TMEM131L: variants seen among roughly 807,000 people sequenced by gnomAD.
TMEM131L encodes transmembrane protein 131-like.
Under a neutral mutation model 192.2 loss-of-function variants are expected in TMEM131L, and 54 were observed. The ratio of observed to expected loss-of-function variants is 0.28; its 90% CI spans 0.23 to 0.35. The LOEUF (loss-of-function observed/expected upper bound fraction) is 0.35. Among genes scored for constraint, TMEM131L ranks in the 10% least tolerant of loss-of-function variants. The pLI is 1.00. For synonymous variants in TMEM131L, 701 were observed against 704.9 expected, an observed-to-expected ratio of 0.99 and a Z score of 0.09; for missense variants, 1,888 against 1,972.9, an observed-to-expected ratio of 0.96 and a Z score of 0.82.
chr4:153,539,966 C>T (rs926538130), intron 3 of TMEM131L, among the ~76,000 whole-genome samples: 3 of 152,084 alleles, frequency 2.0e-5, no homozygotes, highest in Non-Finnish European at 4.4e-5. Flanking sequence ...CAAAATTAGC[C>T]GGGCATGGTG....
At chr4:153,526,501 G>A (rs1367860482) in intron 3 of TMEM131L, among the ~76,000 whole-genome samples, 6 of 152,010 alleles carry the variant, frequency 3.9e-5, no homozygotes, top group Admixed American at 2.6e-4. Flanking sequence ...TTGGGAGTCC[G>A]AGGCAGGTGG....
intron 4 of TMEM131L, among the ~76,000 whole-genome samples, chr4:153,554,510 A>G (rs1737854759): frequency 1.3e-5 from 2 of 152,238 alleles, no homozygotes; most frequent in South Asian, 2.1e-4. Flanking sequence ...CTCATTGTAT[A>G]TAAGAGAAGC....
At chr4:153,496,545 A>G (rs1410011484) in intron 3 of TMEM131L, among the ~76,000 whole-genome samples, 1 of 152,146 alleles carries the variant, frequency 6.6e-6, no homozygotes, top group African/African-American at 2.4e-5. Flanking sequence ...TTTAGGATTC[A>G]GTGTTTATGA....
intron 3 of TMEM131L, among the ~76,000 whole-genome samples, chr4:153,510,439 A>G (rs1017835215): frequency 6.6e-6 from 1 of 152,134 alleles, no homozygotes; most frequent in Non-Finnish European, 1.5e-5. Context: ...CATGATTACC[A>G]TTCTTTAAAG....
Position 153,523,934 on chromosome 4 carries a change from T to C in TMEM131L, c.240-26139T>C, listed in dbSNP as rs554462790. Among the ~76,000 whole-genome samples, 30 of 152,288 alleles carry C rather than the reference T, an allele frequency of 2.0e-4. No individual in the cohort carries two copies. In the East Asian group the frequency reaches 5.8e-3, roughly 29 times the overall value. ...TCAGCCTTCCATAAAGGGAGCATGT[T>C]CTGTTTGATTATCAGCCCTGCCCTT... On this transcript the variant is annotated intron_variant, in intron 3 of 34. Transcript: ENST00000409959.
intron 3 of TMEM131L, among the ~76,000 whole-genome samples, chr4:153,540,784 G>A (rs1263495220): frequency 2.0e-5 from 3 of 152,108 alleles, no homozygotes. Flanking sequence ...ACTCACGGTT[G>A]GTTTTCTAAA....
chr4:153,626,253 A>G (rs1294230896), intron 30 of TMEM131L, 28 bp downstream of exon 30: 7 of 1,434,690 alleles, frequency 4.9e-6, no homozygotes, highest in Non-Finnish European at 6.9e-6. Context: ...CAGCTTTTAC[A>G]GTATGTTTTG....
chr4:153,602,794 A>G, intron 23 of TMEM131L, 67 bp downstream of exon 23: 1 of 1,405,738 alleles, frequency 7.1e-7, no homozygotes. Context: ...GTTGTGTGAA[A>G]ACGTGAACTG....
chr4:153,629,077 G>GC (rs1477304149), intron 31 of TMEM131L, among the ~76,000 whole-genome samples: 1 of 152,072 alleles, frequency 6.6e-6, no homozygotes, highest in African/African-American at 2.4e-5. Flanking sequence ...CCATGGTTTT[G>GC]CCTAGTGCCC....
chr4:153,510,789 T>G (rs1344629591), intron 3 of TMEM131L, among the ~76,000 whole-genome samples: 1 of 151,334 alleles, frequency 6.6e-6, no homozygotes, highest in Non-Finnish European at 1.5e-5. Flanking sequence ...GGCACTGAAG[T>G]GTGGGAGGAT....
intron 3 of TMEM131L, among the ~76,000 whole-genome samples, chr4:153,522,594 G>A (rs959971958): frequency 6.6e-6 from 1 of 152,140 alleles, no homozygotes; most frequent in Non-Finnish European, 1.5e-5. Context: ...TTCTCGTTTG[G>A]CTCCACCCAG....
chr4:153,600,475 CAGT>C (rs1731761986), intron 21 of TMEM131L, among the ~76,000 whole-genome samples: 1 of 151,972 alleles, frequency 6.6e-6, no homozygotes, highest in African/African-American at 2.4e-5. Context: ...CTGTAACAGA[CAGT>C]GCAGATTTAG....
chr4:153,550,857 A>G (rs1239412901), intron 4 of TMEM131L, among the ~76,000 whole-genome samples: 1 of 152,176 alleles, frequency 6.6e-6, no homozygotes, highest in East Asian at 1.9e-4. Context: ...AAGACTTTGG[A>G]GACTCAAGAT....
chr4:153,527,287 G>T (rs1735562692), intron 3 of TMEM131L, among the ~76,000 whole-genome samples: 1 of 151,806 alleles, frequency 6.6e-6, no homozygotes, highest in Non-Finnish European at 1.5e-5. Context: ...TTTGTGGGGG[G>T]GCGGTGATGA....
chr4:153,615,298 A>G (rs78573211), intron 26 of TMEM131L, among the ~76,000 whole-genome samples: 2,293 of 152,312 alleles, frequency 0.015, 56 homozygotes, highest in African/African-American at 0.052. Flanking sequence ...AATGATTCCT[A>G]CCAACAGAGA....
At chr4:153,551,078 A>G (rs1352002033) in intron 4 of TMEM131L, among the ~76,000 whole-genome samples, 1 of 152,232 alleles carries the variant, frequency 6.6e-6, no homozygotes, top group Non-Finnish European at 1.5e-5. Flanking sequence ...TCCTGGATGC[A>G]GAATATAGCG....
intron 7 of TMEM131L, 180 bp downstream of exon 7, chr4:153,558,548 A>G (rs1728637073): frequency 2.4e-6 from 1 of 417,566 alleles, no homozygotes; most frequent in Non-Finnish European, 4.4e-6. Context: ...CACAGTGTTG[A>G]TATTCCAGAG....
At chr4:153,574,491 A>G (rs1340876261) in intron 7 of TMEM131L, among the ~76,000 whole-genome samples, 2 of 152,224 alleles carry the variant, frequency 1.3e-5, no homozygotes, top group African/African-American at 2.4e-5. Context: ...CTCTCATTTT[A>G]TACAAGATCA....
chr4:153,590,964 A>T, intron 16 of TMEM131L, 89 bp from the exon 17 acceptor site: 1 of 869,854 alleles, frequency 1.1e-6, no homozygotes, highest in Non-Finnish European at 1.6e-6. Flanking sequence ...AATAGTATTT[A>T]GTGATTTCCC....
Sources: allele counts gnomAD v4.1 joint callset (sites outside exome capture counted in the v4.1 genomes callset), GRCh38; gene constraint gnomAD v4.1.1; transcripts MANE v1.5; gene names NCBI Gene and HGNC (gene_info 2026-07-23, HGNC 2026-07-21).